The following CYP2C18 variants were observed in gnomAD, a reference collection of about 807,000 sequenced individuals.
CYP2C18 encodes the protein cytochrome P450 2C18.
A neutral mutation model predicts 41.3 loss-of-function variants in CYP2C18; 38 were observed. The observed-to-expected ratio is 0.92, with a 90% CI of 0.71 to 1.21. The LOEUF is 1.21. CYP2C18 is among the 50% of genes most tolerant of loss of function. The probability of loss-of-function intolerance (pLI) is 0.00; values close to 1 mark genes in which losing one functional copy is unlikely to be tolerated. For missense variants in CYP2C18, 635 were observed against 591.4 expected, an observed-to-expected ratio of 1.07 and a Z score of -0.77; for synonymous variants, 236 against 210.0, an observed-to-expected ratio of 1.12 and a Z score of -1.07.
chr10:94,731,643 G>C (rs75716881), intron 7 of CYP2C18, among the ~76,000 whole-genome samples: 1 of 152,068 alleles, frequency 6.6e-6, no homozygotes, highest in Non-Finnish European at 1.5e-5. Context: ...GAACAGAATA[G>C]AGAACCCAGA....
chr10:94,721,207 G>T (rs1225865608), intron 6 of CYP2C18, among the ~76,000 whole-genome samples: 2 of 151,982 alleles, frequency 1.3e-5, no homozygotes, highest in South Asian at 4.2e-4. Context: ...TAGAGACGGG[G>T]TTTCACCATG....
intron 4 of CYP2C18, among the ~76,000 whole-genome samples, chr10:94,704,262 T>C (rs1847297133): frequency 6.6e-6 from 1 of 152,040 alleles, no homozygotes; most frequent in South Asian, 2.1e-4. Flanking sequence ...TGGATACTCT[T>C]ATATAGTAGC....
chr10:94,730,270 G>A (rs1194701197), intron 7 of CYP2C18, among the ~76,000 whole-genome samples: 1 of 152,034 alleles, frequency 6.6e-6, no homozygotes, highest in Non-Finnish European at 1.5e-5. Flanking sequence ...TATTATGTAA[G>A]CAACTGTCCC....
intron 4 of CYP2C18, among the ~76,000 whole-genome samples, chr10:94,696,937 A>G (rs1429099347): frequency 6.6e-6 from 1 of 152,202 alleles, no homozygotes; most frequent in East Asian, 1.9e-4. Flanking sequence ...CAAAAAAAGA[A>G]TAAGAAGAAA....
At chr10:94,685,905 AT>A (rs1359802337) in intron 1 of CYP2C18, among the ~76,000 whole-genome samples, 1 of 151,798 alleles carries the variant, frequency 6.6e-6, no homozygotes, top group Admixed American at 6.6e-5. Flanking sequence ...AAATTTTAAG[AT>A]TTTTTTTCTA....
intron 3 of CYP2C18, among the ~76,000 whole-genome samples, chr10:94,693,069 C>T (rs554354989): frequency 9.2e-5 from 14 of 152,042 alleles, no homozygotes; most frequent in South Asian, 6.2e-4. Context: ...TGCTAAATGA[C>T]GAGTTAATGG....
At position 94,726,535 on chromosome 10, in the gene CYP2C18, G is replaced by T. The variant is rs1847745527; in HGVS notation, c.1149+2002G>T. Among the ~76,000 whole-genome samples, 6 of 152,192 alleles carry T rather than the reference G, an allele frequency of 3.9e-5. No individual in the cohort carries two copies. The South Asian group carries it at 1.2e-3, about 32-fold the overall frequency. ...GGACATGAAGTCATCATTTTTTATG[G>T]TTGCATAGTATTCCATGGTGTATAT... is the stretch of plus-strand genomic sequence containing the variant. On this transcript the variant is annotated intron_variant, in intron 7 of 8. Transcript: ENST00000285979.
intron 8 of CYP2C18, among the ~76,000 whole-genome samples, chr10:94,735,032 C>G (rs922885516): frequency 4.6e-5 from 7 of 152,124 alleles, no homozygotes; most frequent in African/African-American, 1.4e-4. Context: ...TGGCATAGAG[C>G]TGATACTCCA....
chr10:94,704,754 T>C (rs1280938437), intron 4 of CYP2C18, among the ~76,000 whole-genome samples: 1 of 152,188 alleles, frequency 6.6e-6, no homozygotes, highest in East Asian at 1.9e-4. Flanking sequence ...TTAGTATACA[T>C]AGGCACTTTT....
chr10:94,699,052 A>G (rs1460658766), intron 4 of CYP2C18, among the ~76,000 whole-genome samples: 1 of 152,220 alleles, frequency 6.6e-6, no homozygotes, highest in Non-Finnish European at 1.5e-5. Flanking sequence ...TCATAGGTAC[A>G]AGGAGGAGCT....
In CYP2C18 at chr10:94,735,595, A is replaced by G. The variant is rs1847907846; in HGVS notation, c.*151A>G. On this transcript the variant is annotated 3_prime_UTR_variant, in exon 9 of 9. Coordinates refer to ENST00000285979, the MANE Select transcript of CYP2C18 (RefSeq NM_000772.3). The stretch of plus-strand genomic sequence containing the variant: ...TCCCTCAAGATCCAATGAACATCCA[A>G]CCTCCATTAAAGAGAGTTTCTTGGG... 6 of 734,862 alleles carry G rather than the reference A, an allele frequency of 8.2e-6. No homozygotes were observed. Among genetic ancestry groups the G allele is most frequent in the South Asian group, 1.8e-5 (1 of 55,294 alleles). The allele number at this position is 734,862 out of a possible 1,614,324, so 45.5% of individuals were successfully genotyped here.
In CYP2C18 at chr10:94,735,350, C is replaced by T; in HGVS notation, c.1379C>T (p.Ser460Phe). ...ATTTTGCAGAACTTTAACCTGAAATCTCAGGTTGACCCAAAGGATATTGAC... is the reference window on the plus strand; with the variant it reads ...ATTTTGCAGAACTTTAACCTGAAATTTCAGGTTGACCCAAAGGATATTGAC... ...TTILQNFNLK[S>F]QVDPKDIDIT... Residue 460 changes from serine to phenylalanine, a missense_variant, in exon 9 of 9, where the codon TCT (serine) becomes TTT (phenylalanine). By Grantham distance (155) the Ser-to-Phe change is radical. Transcript: ENST00000285979. 1 of 1,613,654 alleles carries T rather than the reference C, an allele frequency of 6.2e-7. No individual in the cohort carries two copies. Among genetic ancestry groups the T allele is most frequent in the Non-Finnish European group, 8.5e-7 (1 of 1,179,682 alleles).
At chr10:94,713,789 T>C (rs1939849709) in intron 5 of CYP2C18, among the ~76,000 whole-genome samples, 1 of 152,226 alleles carries the variant, frequency 6.6e-6, no homozygotes, top group African/African-American at 2.4e-5. Flanking sequence ...TAGTTTAAAG[T>C]CCCACCAACA....
At chr10:94,700,162 A>G (rs1450048350) in intron 4 of CYP2C18, among the ~76,000 whole-genome samples, 1 of 152,212 alleles carries the variant, frequency 6.6e-6, no homozygotes, top group Non-Finnish European at 1.5e-5. Context: ...AAGAGCCCGC[A>G]TTGCCAAGTC....
chr10:94,715,736 G>A (rs1461792679), intron 5 of CYP2C18, among the ~76,000 whole-genome samples: 2 of 152,066 alleles, frequency 1.3e-5, no homozygotes, highest in African/African-American at 4.8e-5. Flanking sequence ...TCTATTGATT[G>A]GAATAGTTTC....
chr10:94,723,814 G>T (rs1847687795), intron 6 of CYP2C18, among the ~76,000 whole-genome samples: 1 of 152,064 alleles, frequency 6.6e-6, no homozygotes. Context: ...TCAGTATTTA[G>T]AAATATGAAT....
chr10:94,728,739 CTT>C (rs796776949), intron 7 of CYP2C18: 198 of 257,650 alleles, frequency 7.7e-4, no homozygotes, highest in Non-Finnish European at 1.1e-3. Flanking sequence ...ATTCTCCTCA[CTT>C]TTTTTTTTTT....
chr10:94,687,134 A>G (rs751549479), intron 1 of CYP2C18, among the ~76,000 whole-genome samples: 5 of 152,166 alleles, frequency 3.3e-5, no homozygotes, highest in Non-Finnish European at 4.4e-5. Context: ...AGCATGGAAA[A>G]CATTTTTCCT....
chr10:94,720,420 T>TAGAATTCCCCAACCCAGAGA lies in CYP2C18; in HGVS notation c.844_845insAGAATTCCCCAACCCAGAGA (p.Phe282Ter). 1 of 1,611,430 alleles carries TAGAATTCCCCAACCCAGAGA rather than the reference T, an allele frequency of 6.2e-7. No homozygotes were observed. The highest frequency in any genetic ancestry group is 8.5e-7 in the Non-Finnish European group (1 of 1,178,720). ...GGAAAAGCACAATCAACAGTCTGAATTTACTGTTGAAAGCTTGATAGCCAC... is the reference window on the plus strand; with the variant it reads ...GGAAAAGCACAATCAACAGTCTGAATAGAATTCCCCAACCCAGAGATTACTGTTGAAAGCTTGATAGCCAC... On this transcript the variant is annotated stop_gained and frameshift_variant, in exon 6 of 9. Transcript: ENST00000285979. LOFTEE classifies it high-confidence loss of function.
Sources: gnomAD v4.1 joint callset for allele counts (sites outside exome capture counted in the v4.1 genomes callset) on GRCh38, gnomAD v4.1.1 for gene constraint, MANE v1.5 for transcripts, NCBI Gene and HGNC (gene_info 2026-07-23, HGNC 2026-07-21) for gene names.